ACOXL: variants seen among roughly 807,000 people sequenced by gnomAD.
ACOXL encodes acyl-CoA oxidase like, also known as acyl-coenzyme A oxidase-like protein.
In ACOXL, 70 loss-of-function variants were observed where a neutral mutation model predicts 71.9. The ratio of observed to expected loss-of-function variants is 0.97; its 90% CI spans 0.80 to 1.19. The LOEUF (loss-of-function observed/expected upper bound fraction) is 1.19. Among genes scored for constraint, ACOXL ranks in the 50% most tolerant of loss-of-function variants. The pLI is 0.00. For missense variants in ACOXL, 703 were observed against 736.3 expected, an observed-to-expected ratio of 0.95 and a Z score of 0.52; for synonymous variants, 253 against 281.6, an observed-to-expected ratio of 0.90 and a Z score of 1.02.
At chr2:111,036,514 G>T (rs186229649) in intron 15 of ACOXL, among the ~76,000 whole-genome samples, 91 of 152,334 alleles carry the variant, frequency 6.0e-4, no homozygotes, top group African/African-American at 2.1e-3. Flanking sequence ...CATCTTGGAG[G>T]TCCCAACATT....
chr2:110,893,275 G>A (rs2058865544), intron 10 of ACOXL, among the ~76,000 whole-genome samples: 1 of 151,952 alleles, frequency 6.6e-6, no homozygotes, highest in Non-Finnish European at 1.5e-5. Context: ...TAAGAAAAAT[G>A]CTAATACCAC....
At chr2:110,866,694 G>T (rs1694625748) in intron 10 of ACOXL, among the ~76,000 whole-genome samples, 1 of 152,070 alleles carries the variant, frequency 6.6e-6, no homozygotes, top group African/African-American at 2.4e-5. Flanking sequence ...GCAGAAGCTT[G>T]AGGCACCCCC....
intron 11 of ACOXL, among the ~76,000 whole-genome samples, chr2:110,927,207 A>G (rs1226723966): frequency 1.3e-5 from 2 of 152,144 alleles, no homozygotes; most frequent in Non-Finnish European, 2.9e-5. Flanking sequence ...CTCACTCACT[A>G]TCACAAAAAC....
At chr2:110,869,653 C>T (rs1386969166) in intron 10 of ACOXL, among the ~76,000 whole-genome samples, 1 of 152,222 alleles carries the variant, frequency 6.6e-6, no homozygotes, top group Non-Finnish European at 1.5e-5. Context: ...GGTGACCCTC[C>T]CCTTATTCAT....
chr2:110,961,535 C>T (rs943985649), intron 12 of ACOXL, among the ~76,000 whole-genome samples: 6 of 152,070 alleles, frequency 3.9e-5, no homozygotes, highest in African/African-American at 9.7e-5. Context: ...TCTCCTCCAC[C>T]GGAAAAGAGG....
rs61730481 is a variant in ACOXL, at chr2:110,908,790, C to T, written c.790C>T (p.Arg264Trp). The stretch of plus-strand genomic sequence containing the variant: ...ATCGTGTCTGTTGATTCCCTCTAGC[C>T]GGAGGCAGTTTGGGCCCAAAACCAA... The part of the protein sequence containing the change: ...LTIAIRYSHS[R>W]RQFGPKTKEE... The change falls in exon 11 of 18, where the codon CGG (arginine) becomes TGG (tryptophan). Residue 264 changes from arginine to tryptophan, a missense_variant and splice_region_variant. Physicochemically the swap from Arg to Trp is moderately radical, Grantham distance 101 (BLOSUM62 -3). Coordinates refer to ENST00000439055, the MANE Select transcript of ACOXL (RefSeq NM_001142807.4). 4,219 of 1,613,236 alleles carry T rather than the reference C, an allele frequency of 2.6e-3. 100 individuals carry two copies. In the African/African-American group the frequency reaches 0.047, roughly 18 times the overall value.
chr2:110,738,989 A>G (rs1255567726), intron 1 of ACOXL, among the ~76,000 whole-genome samples: 1 of 152,090 alleles, frequency 6.6e-6, no homozygotes, highest in Non-Finnish European at 1.5e-5. Context: ...CTTGTTTTCT[A>G]GTTATAAAAA....
chr2:110,842,890 G>A (rs115737857), intron 10 of ACOXL, among the ~76,000 whole-genome samples: 3,663 of 152,212 alleles, frequency 0.024, 59 homozygotes, highest in Non-Finnish European at 0.033. Flanking sequence ...TATGTTTCCG[G>A]TCCTATGAGT....
chr2:110,903,345 G>A (rs1044446092), intron 10 of ACOXL, among the ~76,000 whole-genome samples: 1 of 152,176 alleles, frequency 6.6e-6, no homozygotes, highest in African/African-American at 2.4e-5. Context: ...AAATTGAGTG[G>A]GAATGAAATA....
chr2:110,767,860 T>C (rs1302091454), intron 1 of ACOXL, among the ~76,000 whole-genome samples: 2 of 150,106 alleles, frequency 1.3e-5, no homozygotes, highest in East Asian at 3.9e-4. Flanking sequence ...CCAAGGCGGG[T>C]GGATCACAAG....
intron 2 of ACOXL, among the ~76,000 whole-genome samples, chr2:110,782,006 AATTT>A (rs1211720466): frequency 1.3e-5 from 2 of 152,204 alleles, no homozygotes; most frequent in Admixed American, 6.5e-5. Context: ...TTTGAGGCTG[AATTT>A]ATTAAGTATT....
intron 10 of ACOXL, among the ~76,000 whole-genome samples, chr2:110,858,800 T>C (rs1054276099): frequency 9.9e-5 from 15 of 152,246 alleles, no homozygotes; most frequent in African/African-American, 3.6e-4. Context: ...TATATTTCCT[T>C]ACACCTTTTT....
intron 10 of ACOXL, among the ~76,000 whole-genome samples, chr2:110,904,566 A>G (rs973931685): frequency 6.6e-6 from 1 of 152,160 alleles, no homozygotes; most frequent in Non-Finnish European, 1.5e-5. Context: ...AGGTTGTATT[A>G]TTACTCAGTA....
intron 1 of ACOXL, among the ~76,000 whole-genome samples, chr2:110,751,688 T>G (rs1265415777): frequency 6.6e-6 from 1 of 152,206 alleles, no homozygotes; most frequent in Non-Finnish European, 1.5e-5. Context: ...CATAGAACAT[T>G]ATCATCGCCC....
rs761377056 is a variant in ACOXL, at chr2:110,863,599, C to T, written c.788+22194C>T. On this transcript the variant is annotated intron_variant, in intron 10 of 17. Coordinates refer to ENST00000439055, the MANE Select transcript of ACOXL (RefSeq NM_001142807.4). ...TTATGTGATTTCCCTGAGCACCCCC[C>T]CCAACTGGTTGGTAACAGGGCAGGA... 2.6e-5 allele frequency among the ~76,000 whole-genome samples: 4 copies of T among 152,118 alleles called. No individual in the cohort carries two copies. In the East Asian group the frequency reaches 5.8e-4, roughly 22 times the overall value.
intron 9 of ACOXL, among the ~76,000 whole-genome samples, chr2:110,805,930 G>A (rs990608237): frequency 4.6e-5 from 7 of 152,208 alleles, no homozygotes; most frequent in African/African-American, 1.4e-4. Context: ...CTCTGGAAGG[G>A]CCTCCTTCTC....
intron 10 of ACOXL, among the ~76,000 whole-genome samples, chr2:110,875,600 G>C (rs889598205): frequency 1.3e-5 from 2 of 152,052 alleles, no homozygotes; most frequent in South Asian, 2.1e-4. Context: ...TTTCTGGCTC[G>C]TCTCCTCTGG....
chr2:111,098,713 GTTA>G (rs1231705518), intron 17 of ACOXL: 1 of 152,094 alleles, frequency 6.6e-6, no homozygotes, highest in Non-Finnish European at 1.5e-5. Flanking sequence ...GAGAACTCTT[GTTA>G]TCTTTGAAAC....
At chr2:110,911,644 A>ATT (rs2059654961) in intron 11 of ACOXL, among the ~76,000 whole-genome samples, 2 of 152,248 alleles carry the variant, frequency 1.3e-5, no homozygotes, top group Admixed American at 6.5e-5. Flanking sequence ...CAGAAAAAGT[A>ATT]TTTGACAGAA....
Sources: gnomAD v4.1 joint callset for allele counts (sites outside exome capture counted in the v4.1 genomes callset) on GRCh38, gnomAD v4.1.1 for gene constraint, MANE v1.5 for transcripts, NCBI Gene and HGNC (gene_info 2026-07-23, HGNC 2026-07-21) for gene names.